The following PLCG2 variants were observed in gnomAD, a reference collection of about 807,000 sequenced individuals.
PLCG2 encodes phospholipase C gamma 2, also known as 1-phosphatidylinositol 4,5-bisphosphate phosphodiesterase gamma-2.
A neutral mutation model predicts 175.6 loss-of-function variants in PLCG2; 69 were observed. The ratio of observed to expected loss-of-function variants is 0.39; its 90% CI spans 0.32 to 0.48. The LOEUF (loss-of-function observed/expected upper bound fraction) is 0.48. Among genes scored for constraint, PLCG2 ranks in the 20% least tolerant of loss-of-function variants. PLCG2 has a pLI of 0.91. For missense variants in PLCG2, 1,798 were observed against 1,650.9 expected (o/e 1.09, Z -1.54); for synonymous variants, 827 against 624.0 (o/e 1.33, Z -4.85).
intron 1 of PLCG2, among the ~76,000 whole-genome samples, chr16:81,744,011 A>G (rs1407169906): frequency 6.6e-6 from 1 of 151,990 alleles, no homozygotes; most frequent in Non-Finnish European, 1.5e-5. Flanking sequence ...GGCATCCGCC[A>G]CTGCACCCAG....
At chr16:81,934,227 A>C (rs564153633) in intron 25 of PLCG2, among the ~76,000 whole-genome samples, 1 of 152,312 alleles carries the variant, frequency 6.6e-6, no homozygotes, top group South Asian at 2.1e-4. Context: ...AACCTCGTGG[A>C]AACAGCTTTG....
chr16:81,824,004 TTTTCCTTTCC>T (rs71146048), intron 2 of PLCG2, among the ~76,000 whole-genome samples: 253 of 85,836 alleles, frequency 2.9e-3, no homozygotes, highest in Middle Eastern at 0.01. Context: ...TTCTTTTTCT[TTTTCCTTTCC>T]TTTCCTTTCC....
chr16:81,802,779 C>G (rs1321344065), intron 2 of PLCG2, among the ~76,000 whole-genome samples: 1 of 152,182 alleles, frequency 6.6e-6, no homozygotes, highest in African/African-American at 2.4e-5. Context: ...TCATTTTGAT[C>G]AGGCTGGTCT....
intron 2 of PLCG2, among the ~76,000 whole-genome samples, chr16:81,828,125 A>G (rs1905117924): frequency 6.6e-6 from 1 of 151,016 alleles, no homozygotes; most frequent in Non-Finnish European, 1.5e-5. Flanking sequence ...TGACTCATTG[A>G]AACACACAAA....
chr16:81,911,673 C>T (rs1037696458), intron 18 of PLCG2, among the ~76,000 whole-genome samples: 4 of 151,790 alleles, frequency 2.6e-5, no homozygotes, highest in Non-Finnish European at 4.4e-5. Context: ...TGCAATGGCA[C>T]GATCTCAGCT....
chr16:81,820,906 C>G (rs1904769119), intron 2 of PLCG2, among the ~76,000 whole-genome samples: 1 of 151,452 alleles, frequency 6.6e-6, no homozygotes, highest in South Asian at 2.1e-4. Flanking sequence ...CAGGTGCACA[C>G]CATCATGCCT....
At chr16:81,795,644 T>C (rs1567468203) in intron 2 of PLCG2, among the ~76,000 whole-genome samples, 1 of 151,686 alleles carries the variant, frequency 6.6e-6, no homozygotes, top group Non-Finnish European at 1.5e-5. Flanking sequence ...GCTCAGGAGG[T>C]TGGAGGTTTC....
chr16:81,744,422 C>G (rs7195137), intron 1 of PLCG2, among the ~76,000 whole-genome samples: 80,944 of 151,352 alleles, frequency 0.53, 22,828 homozygotes, highest in Non-Finnish European at 0.63. Flanking sequence ...CTTGCCCTCC[C>G]AAAGTGTTGG....
Position 81,878,929 on chromosome 16 carries a change from G to A in PLCG2, c.649-1981G>A, listed in dbSNP as rs529731680. 7.2e-5 allele frequency among the ~76,000 whole-genome samples: 11 copies of A among 152,222 alleles called. No individual in the cohort carries two copies. In the South Asian group the frequency reaches 2.1e-3, roughly 29 times the overall value. ...CCTGCAAACACGTTCCCAGGTGCCT[G>A]TGCCAATGAGCTTCCGGTTGCTTCA... On this transcript the variant is annotated intron_variant, in intron 7 of 32. Transcript: ENST00000564138.
At chr16:81,880,837 A>G (rs1016657466) in intron 7 of PLCG2, 73 bp from the exon 8 acceptor site, 18 of 1,411,782 alleles carry the variant, frequency 1.3e-5, no homozygotes, top group African/African-American at 8.5e-5. Flanking sequence ...TTTTTTAACA[A>G]CAAAAATCTT....
intron 9 of PLCG2, among the ~76,000 whole-genome samples, chr16:81,887,074 A>G (rs557893443): frequency 2.6e-5 from 4 of 151,868 alleles, no homozygotes; most frequent in Non-Finnish European, 5.9e-5. Context: ...GGAAGGAAGG[A>G]GAATGCCTCC....
chr16:81,760,727 A>G (rs1910020650), intron 2 of PLCG2, among the ~76,000 whole-genome samples: 1 of 146,786 alleles, frequency 6.8e-6, no homozygotes, highest in Non-Finnish European at 1.5e-5. Context: ...CCTGGGCAAC[A>G]TAGTGAGACC....
rs753120138 is a variant in PLCG2, at chr16:81,900,592, C to T, written c.1194-20C>T. 1 of 1,578,180 alleles carries T rather than the reference C, an allele frequency of 6.3e-7. No homozygotes were observed. Among genetic ancestry groups the T allele is most frequent in the South Asian group, 1.1e-5 (1 of 88,918 alleles). ...GTGTGTGCTCCCCCTGCCGAGCTGC[C>T]CACCCTCTTCTGCCTGCAGCTTCCC... On this transcript the variant is annotated intron_variant, in intron 13 of 32. Transcript: ENST00000564138.
intron 1 of PLCG2, among the ~76,000 whole-genome samples, chr16:81,745,605 G>A (rs530889823): frequency 6.6e-6 from 1 of 152,320 alleles, no homozygotes; most frequent in East Asian, 1.9e-4. Flanking sequence ...GTTGGCTCCT[G>A]GGGATACAGA....
At chr16:81,900,429 C>G (rs1043857173) in intron 13 of PLCG2, among the ~76,000 whole-genome samples, 183 bp from the exon 14 acceptor site, 1 of 152,254 alleles carries the variant, frequency 6.6e-6, no homozygotes, top group African/African-American at 2.4e-5. Context: ...TTCTGAGTCC[C>G]AAGACTTGTG....
chr16:81,830,818 G>C (rs1905230767), intron 2 of PLCG2, among the ~76,000 whole-genome samples: 1 of 151,922 alleles, frequency 6.6e-6, no homozygotes. Flanking sequence ...GGAAGGGTGA[G>C]GGGGGCATCG....
At chr16:81,902,679 G>A (rs779672601) in intron 14 of PLCG2, among the ~76,000 whole-genome samples, 1 of 151,892 alleles carries the variant, frequency 6.6e-6, no homozygotes, top group Non-Finnish European at 1.5e-5. Flanking sequence ...CGTTCATGAG[G>A]ACTCTACCCT....
intron 31 of PLCG2, among the ~76,000 whole-genome samples, chr16:81,951,584 T>G (rs149725907): frequency 2.6e-5 from 4 of 152,306 alleles, no homozygotes; most frequent in Non-Finnish European, 4.4e-5. Flanking sequence ...GCTATACAAC[T>G]TTCATATCAA....
At chr16:81,922,821 C>T (rs537159782) in intron 21 of PLCG2, among the ~76,000 whole-genome samples, 4 of 152,230 alleles carry the variant, frequency 2.6e-5, no homozygotes, top group Admixed American at 1.3e-4. Context: ...GCCCGCCAGG[C>T]AGAAAGCATG....
Sources: allele counts gnomAD v4.1 joint callset (sites outside exome capture counted in the v4.1 genomes callset), GRCh38; gene constraint gnomAD v4.1.1; transcripts MANE v1.5; gene names NCBI Gene and HGNC (gene_info 2026-07-23, HGNC 2026-07-21).